Variants in KLK6 observed in about 807,000 individuals in gnomAD.
KLK6 encodes the protein kallikrein related peptidase 6, also known as kallikrein-6.
A neutral mutation model predicts 21.7 loss-of-function variants in KLK6; 16 were observed. The ratio of observed to expected loss-of-function variants is 0.74; its 90% confidence interval spans 0.50 to 1.12. The LOEUF is 1.12. KLK6 is among the 50% of genes most tolerant of loss of function. The probability of loss-of-function intolerance (pLI) is 0.00; values close to 1 mark genes in which losing one functional copy is unlikely to be tolerated. For synonymous variants in KLK6, 116 were observed against 120.1 expected (o/e 0.97, Z 0.22); for missense variants, 276 against 304.6 (o/e 0.91, Z 0.70).
At chr19:50,959,496 T>G (rs949544654) in intron 6 of KLK6, among the ~76,000 whole-genome samples, 180 bp from the exon 7 acceptor site, 5 of 144,486 alleles carry the variant, frequency 3.5e-5, no homozygotes, top group Non-Finnish European at 7.6e-5. Context: ...AGAGAGACAG[T>G]AAGACACACA....
At chr19:50,962,373 A>G (rs1045289020) in intron 5 of KLK6, 1 of 153,624 alleles carries the variant, frequency 6.5e-6, no homozygotes, top group Non-Finnish European at 1.4e-5. Flanking sequence ...GCCCTCTCCC[A>G]TTGGTTCTTC....
intron 6 of KLK6, among the ~76,000 whole-genome samples, chr19:50,960,980 G>A (rs1382416148): frequency 1.3e-5 from 2 of 152,206 alleles, no homozygotes; most frequent in African/African-American, 4.8e-5. Flanking sequence ...CGGCCAGGCT[G>A]GTCTCAATCT....
intron 6 of KLK6, among the ~76,000 whole-genome samples, chr19:50,960,119 AGGGGGAGGAGGATGG>A (rs2090816980): frequency 4.2e-5 from 1 of 23,912 alleles, no homozygotes; most frequent in African/African-American, 1.8e-4. Context: ...GAGGATGGAG[AGGGGGAGGAGGATGG>A]GGAGGGGGAG....
chr19:50,967,429 C>A, intron 3 of KLK6, 104 bp from the exon 4 acceptor site: 1 of 1,113,336 alleles, frequency 9.0e-7, no homozygotes, highest in East Asian at 2.6e-5. Context: ...GTGGCTTATG[C>A]CTGTAATCCC....
At chr19:50,962,688 C>T (rs182710484) in intron 5 of KLK6, 25 of 153,882 alleles carry the variant, frequency 1.6e-4, no homozygotes, top group Admixed American at 6.4e-4. Context: ...GCATCCTCCC[C>T]CATTGTCTCT....
At chr19:50,960,320 GTCCCTGTTTC>G (rs2090821698) in intron 6 of KLK6, among the ~76,000 whole-genome samples, 2 of 151,954 alleles carry the variant, frequency 1.3e-5, no homozygotes, top group Admixed American at 1.3e-4. Context: ...CCCTGTCTCT[GTCCCTGTTTC>G]TGCCTGTGTC....
At position 50,959,276 on chromosome 19, in the gene KLK6, C is replaced by T. The variant is rs776165660; in HGVS notation, c.623G>A (p.Arg208Gln). 1.3e-5 allele frequency: 21 copies of T among 1,613,712 alleles called. No homozygotes were observed. The highest frequency in any genetic ancestry group is 1.3e-5 in the African/African-American group (1 of 74,808). The change falls in exon 7 of 7, where the codon CGA (arginine) becomes CAA (glutamine). Residue 208 changes from arginine (R) to glutamine (Q), a missense_variant. By Grantham distance (43) the Arg-to-Gln change is conservative (BLOSUM62 1). Coordinates refer to ENST00000310157, the MANE Select transcript of KLK6 (RefSeq NM_002774.4). The stretch of plus-strand genomic sequence containing the variant: ...GATGTTACCCCATGACACAAGGCCT[C>T]GGAGGTGGTCTCCACATACCAGCGG... ...GGPLVCGDHL[R>Q]GLVSWGNIPC...
chr19:50,963,359 C>T lies in KLK6; in HGVS notation c.388G>A (p.Asp130Asn). ...CAGCTGGTGGTGTTGGCTGAGCAGT[C>T]CCTCTCCAGGGGAAGGGGCTGGATG... is the stretch of plus-strand genomic sequence containing the variant. Reference protein sequence around the residue: ...ELIQPLPLERDCSANTTSCHI... With the variant: ...ELIQPLPLERNCSANTTSCHI... The change falls in exon 5 of 7, where the codon GAC (aspartate) becomes AAC (asparagine). Residue 130 changes from aspartate to asparagine, a missense_variant. By Grantham distance (23) the Asp-to-Asn change is conservative. Transcript: ENST00000310157. 6.2e-7 allele frequency: 1 copy of T among 1,614,168 alleles called. No individual in the cohort carries two copies. The highest frequency in any genetic ancestry group is 8.5e-7 in the Non-Finnish European group (1 of 1,180,024).
intron 4 of KLK6, among the ~76,000 whole-genome samples, chr19:50,964,933 G>A (rs1479951764): frequency 6.6e-6 from 1 of 152,206 alleles, no homozygotes; most frequent in Non-Finnish European, 1.5e-5. Context: ...TGTTATCACA[G>A]CCTTTCCTCT....
chr19:50,968,196 T>G, intron 2 of KLK6, 84 bp from the exon 3 acceptor site: 2 of 1,233,692 alleles, frequency 1.6e-6, no homozygotes, highest in Non-Finnish European at 2.4e-6. Flanking sequence ...CATCCTCTCC[T>G]TCCTTCCTGG....
chr19:50,967,140 T>G, intron 4 of KLK6, 29 bp downstream of exon 4: 2 of 1,613,624 alleles, frequency 1.2e-6, no homozygotes, highest in Non-Finnish European at 1.7e-6. Context: ...TTCAGTCGCA[T>G]CTGCTGTTCA....
chr19:50,967,995 C>G (rs2090954484), intron 3 of KLK6, 70 bp downstream of exon 3: 2 of 1,310,444 alleles, frequency 1.5e-6, no homozygotes. Flanking sequence ...ATCCCCAATA[C>G]CAGCCTCTTC....
intron 1 of KLK6, among the ~76,000 whole-genome samples, chr19:50,969,202 G>T (rs2090975665): frequency 6.6e-6 from 1 of 151,438 alleles, no homozygotes; most frequent in Non-Finnish European, 1.5e-5. Context: ...GGGAGGAGGG[G>T]CTAGGACCTA....
chr19:50,959,367 G>C (rs1051991145), intron 6 of KLK6, 51 bp from the exon 7 acceptor site: 11 of 374,786 alleles, frequency 2.9e-5, no homozygotes, highest in African/African-American at 7.4e-5. Context: ...CAGAGACTGT[G>C]TGTGTGTGTG....
In KLK6 at chr19:50,961,980, G is replaced by A. The variant is rs561945287; in HGVS notation, c.446-100C>T. ...CCTATAAGTCCTCCATCCTCTATTG[G>A]TCCCTCTTTTCTATTGGCACCCCTC... On this transcript the variant is annotated intron_variant, in intron 5 of 6. Transcript: ENST00000310157. 115 of 1,318,208 alleles carry A rather than the reference G, an allele frequency of 8.7e-5. 1 individual carries two copies. The African/African-American group carries it at 1.4e-3, about 16-fold the overall frequency. The allele number at this position is 1,318,208 out of a possible 1,614,324, so 81.7% of individuals were successfully genotyped here.
chr19:50,960,008 AGAG>A (rs1429899266), intron 6 of KLK6, among the ~76,000 whole-genome samples: 2 of 41,016 alleles, frequency 4.9e-5, no homozygotes, highest in Non-Finnish European at 3.8e-5. Context: ...AGGAGAAGGA[AGAG>A]GAGAAGGAGG....
At chr19:50,963,020 C>G (rs1441877348) in intron 5 of KLK6, among the ~76,000 whole-genome samples, 1 of 152,136 alleles carries the variant, frequency 6.6e-6, no homozygotes, top group African/African-American at 2.4e-5. Flanking sequence ...TAGCATCTCC[C>G]CACTGACCTT....
In KLK6 at chr19:50,963,303, A is replaced by G. The variant is rs1327343679; in HGVS notation, c.444T>C (p.Asp148=). Residue 148 remains aspartate (D), a splice_region_variant and synonymous_variant, in exon 5 of 7, where the codon GAT becomes GAC. Coordinates refer to ENST00000310157, the MANE Select transcript of KLK6 (RefSeq NM_002774.4). ...CHILGWGKTA[D]GDFPDTIQCA... is the part of the protein sequence containing the mutation. The stretch of plus-strand genomic sequence containing the variant: ...CCCCACCAGCCTCCCACTACTGACC[A>G]TCTGCTGTCTTGCCCCAGCCCAGGA... 1.2e-6 allele frequency: 2 copies of G among 1,612,168 alleles called. No homozygotes were observed. Among genetic ancestry groups the G allele is most frequent in the Non-Finnish European group, 1.7e-6 (2 of 1,178,586 alleles).
chr19:50,964,100 C>A (rs2090889632), intron 4 of KLK6, among the ~76,000 whole-genome samples: 2 of 152,176 alleles, frequency 1.3e-5, no homozygotes, highest in Non-Finnish European at 2.9e-5. Context: ...CCCCTTCTCT[C>A]CCTCTGCTCC....
Sources: allele counts gnomAD v4.1 joint callset (sites outside exome capture counted in the v4.1 genomes callset), GRCh38; gene constraint gnomAD v4.1.1; transcripts MANE v1.5; gene names NCBI Gene and HGNC (gene_info 2026-07-23, HGNC 2026-07-21).